NAV2: variants seen among roughly 807,000 people sequenced by gnomAD.
NAV2 encodes neuron navigator 2, also known as helicase, APC down-regulated 1.
NAV2 carries 54 observed loss-of-function variants against 223.2 expected under a neutral mutation model. The observed-to-expected ratio is 0.24, with a 90% CI of 0.19 to 0.30. The LOEUF (loss-of-function observed/expected upper bound fraction) is 0.30. NAV2 is among the 10% of genes least tolerant of loss of function. The pLI is 1.00. For synonymous variants in NAV2, 1,279 were observed against 1,239.3 expected, an observed-to-expected ratio of 1.03 and a Z score of -0.67; for missense variants, 2,806 against 3,147.5, an observed-to-expected ratio of 0.89 and a Z score of 2.60.
intron 6 of NAV2, among the ~76,000 whole-genome samples, chr11:19,893,733 G>T (rs1470095021): frequency 6.6e-6 from 1 of 152,188 alleles, no homozygotes; most frequent in Non-Finnish European, 1.5e-5. Flanking sequence ...CCATCACCAG[G>T]ATGTCTTAAC....
chr11:19,635,959 A>T (rs946303119), intron 1 of NAV2, among the ~76,000 whole-genome samples: 1 of 152,226 alleles, frequency 6.6e-6, no homozygotes, highest in African/African-American at 2.4e-5. Flanking sequence ...TGAGTCATCA[A>T]TTGGAATTTG....
At chr11:19,669,970 T>G (rs944158962) in intron 1 of NAV2, among the ~76,000 whole-genome samples, 2 of 152,058 alleles carry the variant, frequency 1.3e-5, no homozygotes, top group African/African-American at 4.8e-5. Flanking sequence ...ATCAACATAC[T>G]CAGGAAAAAG....
At position 20,005,253 on chromosome 11, in the gene NAV2, A is replaced by ATATATTT. The variant is rs1277010848; in HGVS notation, c.2768+21007_2768+21008insATATTTT. 1.6e-3 allele frequency among the ~76,000 whole-genome samples: 216 copies of ATATATTT among 134,536 alleles called. 1 individual carries two copies. The highest frequency in any genetic ancestry group is 5.8e-3 in the African/African-American group (207 of 35,756). The allele number at this position is 134,536 out of a possible 152,430, so 88.3% of individuals were successfully genotyped here. ...GAGTTTTAATCATATATATATATATATTTTTTTTTTTTTTTGAGATGGAGT... is the reference window on the plus strand; with the variant it reads ...GAGTTTTAATCATATATATATATATATATATTTTTTTTTTTTTTTTTTGAGATGGAGT... On this transcript the variant is annotated intron_variant, in intron 11 of 37. Coordinates refer to ENST00000349880, the MANE Select transcript of NAV2 (RefSeq NM_145117.5).
chr11:19,830,916 A>C lies in NAV2; in HGVS notation c.268-1568A>C, dbSNP rs919909054. Among the ~76,000 whole-genome samples, 8 of 152,266 alleles carry C rather than the reference A, an allele frequency of 5.3e-5. 1 individual carries two copies. Among genetic ancestry groups the C allele is most frequent in the Middle Eastern group, 6.8e-3 (2 of 294 alleles). On this transcript the variant is annotated intron_variant, in intron 1 of 37. Coordinates refer to ENST00000349880, the MANE Select transcript of NAV2 (RefSeq NM_145117.5). ...CTTTACTGGATCGTTGGTCTCTGACAACTGGAGAGTCACGGGGAAGGAGAC... is the reference window on the plus strand; with the variant it reads ...CTTTACTGGATCGTTGGTCTCTGACCACTGGAGAGTCACGGGGAAGGAGAC...
At position 20,105,672 on chromosome 11, in the gene NAV2, C is replaced by A; in HGVS notation, c.6786C>A (p.Val2262=). 1 of 1,613,798 alleles carries A rather than the reference C, an allele frequency of 6.2e-7. No homozygotes were observed. Among genetic ancestry groups the A allele is most frequent in the Non-Finnish European group, 8.5e-7 (1 of 1,180,014 alleles). The change falls in exon 35 of 38, where the codon GTC becomes GTA. Residue 2262 remains valine (V), a synonymous_variant. Coordinates refer to ENST00000349880, the MANE Select transcript of NAV2 (RefSeq NM_145117.5). ...LVKIIDWIPK[V]WHHLNRFLEA... ...AAATCATTGACTGGATTCCCAAGGT[C>A]TGGCATCACCTCAACCGCTTCCTGG... is the stretch of plus-strand genomic sequence containing the variant.
intron 36 of NAV2, among the ~76,000 whole-genome samples, chr11:20,111,876 A>T (rs770583418): frequency 1.1e-4 from 17 of 152,370 alleles, no homozygotes; most frequent in South Asian, 4.1e-4. Context: ...AGGACCAGAG[A>T]TGAAGAGCAA....
chr11:19,791,985 T>TG (rs1267809492), intron 1 of NAV2, among the ~76,000 whole-genome samples: 1 of 152,184 alleles, frequency 6.6e-6, no homozygotes, highest in Non-Finnish European at 1.5e-5. Flanking sequence ...CCACCATCTC[T>TG]GTGCAGCACC....
At chr11:19,962,054 GA>G (rs762127755) in intron 10 of NAV2, among the ~76,000 whole-genome samples, 1 of 151,698 alleles carries the variant, frequency 6.6e-6, no homozygotes, top group Non-Finnish European at 1.5e-5. Context: ...TGCAGGCCAA[GA>G]GGGGATTCTA....
rs1297496369 is a variant in NAV2 at position 20,048,965 on chromosome 11, C to T, written c.4140C>T (p.Asn1380=). The change falls in exon 15 of 38, where the codon AAC becomes AAT. Residue 1380 remains asparagine, a synonymous_variant. Coordinates refer to ENST00000349880, the MANE Select transcript of NAV2 (RefSeq NM_145117.5). ...SPSSAHSAPS[N]SLTWGTNASS... is the part of the protein sequence containing the mutation. ...GCTCAGCCCACTCGGCCCCTTCCAA[C>T]AGCCTCACCTGGGGCACCAACGCCA... 6.2e-7 allele frequency: 1 copy of T among 1,614,170 alleles called. No homozygotes were observed. Among genetic ancestry groups the T allele is most frequent in the Non-Finnish European group, 8.5e-7 (1 of 1,180,028 alleles).
intron 3 of NAV2, among the ~76,000 whole-genome samples, chr11:19,856,307 G>A (rs1349590670): frequency 3.9e-5 from 6 of 152,192 alleles, no homozygotes; most frequent in Non-Finnish European, 8.8e-5. Context: ...ATGGCAGCAG[G>A]CAGTATGCAG....
chr11:19,631,387 G>A (rs2047342016), intron 1 of NAV2, among the ~76,000 whole-genome samples: 1 of 152,020 alleles, frequency 6.6e-6, no homozygotes. Context: ...ATAGTTTGCT[G>A]AGAATGAGGG....
intron 1 of NAV2, among the ~76,000 whole-genome samples, chr11:19,693,367 A>G (rs148941365): frequency 6.6e-6 from 1 of 152,124 alleles, no homozygotes; most frequent in Non-Finnish European, 1.5e-5. Flanking sequence ...TCCATGCCCT[A>G]TTTCTGTCTC....
chr11:20,016,759 G>A (rs976345279), intron 11 of NAV2, among the ~76,000 whole-genome samples: 1 of 151,810 alleles, frequency 6.6e-6, no homozygotes, highest in Non-Finnish European at 1.5e-5. Context: ...ACCTTGGGAG[G>A]CCAAGGAAGG....
Position 20,119,104 on chromosome 11 carries a change from G to A in NAV2, c.*846G>A, listed in dbSNP as rs1383479137. ...TTTCTGCAAACACTGTGTATAGTGA[G>A]ACTTGTTCTACTTTGGAGAACAGGT... is the stretch of plus-strand genomic sequence containing the variant. On this transcript the variant is annotated 3_prime_UTR_variant, in exon 38 of 38. Transcript: ENST00000349880. 1 of 150,076 alleles carries A rather than the reference G, an allele frequency of 6.7e-6. No individual in the cohort carries two copies. The highest frequency in any genetic ancestry group is 1.5e-5 in the Non-Finnish European group (1 of 67,756). 9.3% of individuals were successfully genotyped at this position (150,076 alleles called of 1,614,324 possible).
chr11:19,577,921 G>C (rs570864692), intron 1 of NAV2, among the ~76,000 whole-genome samples: 2 of 152,306 alleles, frequency 1.3e-5, no homozygotes, highest in African/African-American at 4.8e-5. Flanking sequence ...TCAGCGACAG[G>C]CGCCCAAAAT....
Position 19,879,903 on chromosome 11 carries a change from C to T in NAV2, c.546C>T (p.Gly182=). The T allele has an allele frequency of 1.2e-6, 2 of 1,613,884 alleles. No homozygotes were observed. The highest frequency in any genetic ancestry group is 1.7e-6 in the Non-Finnish European group (2 of 1,180,034). ...ATGGAAACCTCAAGGCCATTCTAGG[C>T]CTCTTCTTCAGCCTCTCCCGATACA... The part of the protein sequence containing the change: ...IRNGNLKAIL[G]LFFSLSRYKQ... The change falls in exon 5 of 38, where the codon GGC becomes GGT. Residue 182 remains glycine, a synonymous_variant. Coordinates refer to ENST00000349880, the MANE Select transcript of NAV2 (RefSeq NM_145117.5).
intron 1 of NAV2, among the ~76,000 whole-genome samples, chr11:19,369,190 A>G (rs1470288055): frequency 1.3e-5 from 2 of 152,190 alleles, no homozygotes; most frequent in Admixed American, 1.3e-4. Flanking sequence ...AGAGGCTCGC[A>G]TATGTTTTTG....
rs181990367 is a variant in NAV2 at position 19,998,835 on chromosome 11, T to C, written c.2768+14588T>C. Among the ~76,000 whole-genome samples the C allele has an allele frequency of 7.2e-5, 11 of 152,322 alleles. No individual in the cohort carries two copies. The highest frequency in any genetic ancestry group is 1.6e-4 in the Non-Finnish European group (11 of 68,034). On this transcript the variant is annotated intron_variant, in intron 11 of 37. Coordinates refer to ENST00000349880, the MANE Select transcript of NAV2 (RefSeq NM_145117.5). The surrounding 1 kb of genome is among the most constrained non-coding windows in gnomAD (Gnocchi z 5.0). ...AAGAAAGTTTCAGCTGTTGGTTTCT[T>C]TTTGGAAACTGTTTATTTGACATCT...
chr11:19,949,633 G>A (rs2047220900), intron 10 of NAV2, among the ~76,000 whole-genome samples: 1 of 152,214 alleles, frequency 6.6e-6, no homozygotes, highest in Non-Finnish European at 1.5e-5. Flanking sequence ...TGAAGTAGGT[G>A]TGTGTCCTGC....
Sources: allele counts gnomAD v4.1 joint callset (sites outside exome capture counted in the v4.1 genomes callset), GRCh38; gene constraint gnomAD v4.1.1; non-coding constraint Gnocchi (gnomAD v3.1); transcripts MANE v1.5; gene names NCBI Gene and HGNC (gene_info 2026-07-23, HGNC 2026-07-21).